Variants in GPSM1 observed in about 807,000 individuals in gnomAD.
GPSM1 encodes the protein G protein-signaling modulator 1.
GPSM1 carries 48 observed loss-of-function variants against 70.5 expected under a neutral mutation model. The observed-to-expected ratio is 0.68, with a 90% CI of 0.54 to 0.87. The LOEUF is 0.87. Ranked by LOEUF, GPSM1 falls within the 40% of genes least tolerant of loss-of-function variation. The probability of loss-of-function intolerance (pLI) is 0.00; values close to 1 mark genes in which losing one functional copy is unlikely to be tolerated. For synonymous variants in GPSM1, 416 were observed against 430.1 expected (o/e 0.97, Z 0.41); for missense variants, 981 against 972.6 (o/e 1.01, Z -0.11).
chr9:136,341,014 G>T lies in GPSM1; in HGVS notation c.1207+21G>T. 6.4e-7 allele frequency: 1 copy of T among 1,563,064 alleles called. No homozygotes were observed. The highest frequency in any genetic ancestry group is 2.4e-5 in the East Asian group (1 of 41,890). The stretch of plus-strand genomic sequence containing the variant: ...CCAGGGTGAGTTCCAGGGTTGTGGG[G>T]GGGTCTTGCTCCCCACAGGCACGGA... On this transcript the variant is annotated intron_variant, in intron 9 of 13. Coordinates refer to ENST00000440944, the MANE Select transcript of GPSM1 (RefSeq NM_001145638.3). This position sits in a 1 kb window ranked among gnomAD's most constrained non-coding sequence, Gnocchi z 6.7.
At chr9:136,354,792 C>T (rs1832768097) in intron 11 of GPSM1, 2 of 983,540 alleles carry the variant, frequency 2.0e-6, no homozygotes, top group African/African-American at 1.7e-5. Flanking sequence ...ATTCACACAG[C>T]AGACACCGGT....
chr9:136,357,940 A>AC, intron 13 of GPSM1, 74 bp from the exon 14 acceptor site: 1 of 1,215,066 alleles, frequency 8.2e-7, no homozygotes, highest in Non-Finnish European at 1.2e-6. Flanking sequence ...GGCCTCTGGA[A>AC]CCACCGCTGC....
rs914201634 is a variant in GPSM1, at chr9:136,343,892, A to G, written c.1207+2899A>G. Among the ~76,000 whole-genome samples the G allele has an allele frequency of 4.8e-4, 73 of 152,182 alleles. 1 individual carries two copies. Among genetic ancestry groups the G allele is most frequent in the Admixed American group, 3.9e-4 (6 of 15,286 alleles). ...GGATGCACCCTCTGTCCGTGCGCCT[A>G]AGAGGGCCCAGAGGGGACAGTGTGT... On this transcript the variant is annotated intron_variant, in intron 9 of 13. Transcript: ENST00000440944. This position sits in a 1 kb window ranked among gnomAD's most constrained non-coding sequence, Gnocchi z 6.0.
intron 11 of GPSM1, chr9:136,354,841 A>G: frequency 1.0e-6 from 1 of 999,360 alleles, no homozygotes; most frequent in Non-Finnish European, 1.2e-6. Context: ...AGCTCATGGC[A>G]GGGCTGACAC....
At chr9:136,349,849 A>T in intron 11 of GPSM1, 86 bp downstream of exon 11, 1 of 1,334,078 alleles carries the variant, frequency 7.5e-7, no homozygotes, top group Non-Finnish European at 1.0e-6. Flanking sequence ...CAACGGGGCC[A>T]GGTCAGGCCC....
intron 10 of GPSM1, 97 bp downstream of exon 10, chr9:136,348,864 CT>C: frequency 1.1e-6 from 1 of 903,048 alleles, no homozygotes; most frequent in Non-Finnish European, 1.7e-6. Context: ...ACCTCAGCCC[CT>C]GTCTGCTGGG....
intron 2 of GPSM1, 148 bp downstream of exon 2, chr9:136,334,816 T>G (rs1269859974): frequency 2.9e-6 from 2 of 678,312 alleles, no homozygotes; most frequent in Non-Finnish European, 5.1e-6. Context: ...GGGATGGCCC[T>G]GCTGGCGGGT....
chr9:136,337,558 C>A lies in GPSM1; in HGVS notation c.696C>A (p.His232Gln). The A allele has an allele frequency of 6.4e-7, 1 of 1,556,860 alleles. No individual in the cohort carries two copies. Among genetic ancestry groups the A allele is most frequent in the African/African-American group, 1.4e-5 (1 of 73,682 alleles). Residue 232 changes from histidine (H) to glutamine (Q), a missense_variant, in exon 5 of 14, where the codon CAC (histidine) becomes CAA (glutamine). By Grantham distance (24) the His-to-Gln change is conservative (BLOSUM62 0). Transcript: ENST00000440944. ...LGNFTEATTFHKERLAIAKEF... is the reference protein window; with the variant it reads ...LGNFTEATTFQKERLAIAKEF... The stretch of plus-strand genomic sequence containing the variant: ...ACTTCACAGAGGCCACGACCTTCCA[C>A]AAGGAGGTGAGCCGGGCAGGGTGAC...
rs1445582057 is a variant in GPSM1 at position 136,358,399 on chromosome 9, C to G, written c.*179C>G. The G allele has an allele frequency of 1.6e-6, 1 of 624,380 alleles. No individual in the cohort carries two copies. Among genetic ancestry groups the G allele is most frequent in the Non-Finnish European group, 2.7e-6 (1 of 367,500 alleles). 38.7% of individuals were successfully genotyped at this position (624,380 alleles called of 1,614,324 possible). A position where few individuals can be genotyped will look rare whatever the true frequency, so the allele number is the denominator to read the frequency against. ...CTGCCCGTGGTGGGAGGGCGTGCTT[C>G]CATCCCGGGCTGGCCCCCATGGCCC... is the stretch of plus-strand genomic sequence containing the variant. On this transcript the variant is annotated 3_prime_UTR_variant, in exon 14 of 14. Coordinates refer to ENST00000440944, the MANE Select transcript of GPSM1 (RefSeq NM_001145638.3).
chr9:136,332,296 G>C (rs71508848), intron 1 of GPSM1: 2 of 397,596 alleles, frequency 5.0e-6, no homozygotes, highest in African/African-American at 4.1e-5. Flanking sequence ...TGCATTGCCT[G>C]GATCCCAGAT....
chr9:136,337,926 C>T lies in GPSM1; in HGVS notation c.783C>T (p.Phe261=), dbSNP rs782702640. The T allele has an allele frequency of 3.0e-5, 49 of 1,612,236 alleles. No homozygotes were observed. Among genetic ancestry groups the T allele is most frequent in the Non-Finnish European group, 4.2e-5 (49 of 1,179,592 alleles). ...AYSNLGNAHV[F]LGRFDVAAEY... ...GCAACCTGGGGAACGCCCACGTCTT[C>T]CTGGGGCGCTTTGACGTGGCCGCCG... is the stretch of plus-strand genomic sequence containing the variant. The change falls in exon 6 of 14, where the codon TTC becomes TTT. Residue 261 remains phenylalanine (F), a synonymous_variant. Coordinates refer to ENST00000440944, the MANE Select transcript of GPSM1 (RefSeq NM_001145638.3).
At chr9:136,335,070 C>T (rs560747738) in intron 2 of GPSM1, among the ~76,000 whole-genome samples, 40 of 152,274 alleles carry the variant, frequency 2.6e-4, no homozygotes, top group African/African-American at 9.4e-4. Context: ...TGTGTGTCTG[C>T]GTGTGAGAGC....
At chr9:136,348,093 T>C (rs1183107068) in intron 9 of GPSM1, among the ~76,000 whole-genome samples, 1 of 151,696 alleles carries the variant, frequency 6.6e-6, no homozygotes, top group Non-Finnish European at 1.5e-5. Context: ...GGGATGGGGG[T>C]CCCTTGGGTG....
At chr9:136,337,185 C>T in intron 4 of GPSM1, 113 bp downstream of exon 4, 1 of 1,105,488 alleles carries the variant, frequency 9.0e-7, no homozygotes, top group Non-Finnish European at 1.3e-6. Context: ...GCTCCCAGGG[C>T]AGTGACGGCC....
chr9:136,328,092 G>T (rs1362921005), intron 1 of GPSM1, among the ~76,000 whole-genome samples: 1 of 152,144 alleles, frequency 6.6e-6, no homozygotes, highest in Non-Finnish European at 1.5e-5. Context: ...TGCCATGCCC[G>T]GGGCACTCAG....
chr9:136,341,892 C>A lies in GPSM1; in HGVS notation c.1207+899C>A. On this transcript the variant is annotated intron_variant, in intron 9 of 13. Coordinates refer to ENST00000440944, the MANE Select transcript of GPSM1 (RefSeq NM_001145638.3). The surrounding 1 kb of genome is among the most constrained non-coding windows in gnomAD (Gnocchi z 6.7). The stretch of plus-strand genomic sequence containing the variant: ...TGTCAAACTCCCAGCCTCAAGCGAT[C>A]CTCCCATCTCGGCTTCCAGAAGTGC... 3 of 562,500 alleles carry A rather than the reference C, an allele frequency of 5.3e-6. No individual in the cohort carries two copies. Among genetic ancestry groups the A allele is most frequent in the Non-Finnish European group, 6.8e-6 (3 of 443,296 alleles). The allele number at this position is 562,500 out of a possible 1,614,324, so 34.8% of individuals were successfully genotyped here.
At position 136,342,217 on chromosome 9, in the gene GPSM1, C is replaced by T. The variant is rs1554770434; in HGVS notation, c.1207+1224C>T. Among the ~76,000 whole-genome samples, 1 of 152,158 alleles carries T rather than the reference C, an allele frequency of 6.6e-6. No homozygotes were observed. Among genetic ancestry groups the T allele is most frequent in the Non-Finnish European group, 1.5e-5 (1 of 68,024 alleles). ...TAAGGGTGGGGAGCTCTGCCGAGAG[C>T]TCCTGCGGCACCCCTAGTACCCTCC... On this transcript the variant is annotated intron_variant, in intron 9 of 13. Transcript: ENST00000440944. The surrounding 1 kb of genome is among the most constrained non-coding windows in gnomAD (Gnocchi z 5.5).
rs951215087 is a variant in GPSM1 at position 136,343,821 on chromosome 9, G to A, written c.1207+2828G>A. Among the ~76,000 whole-genome samples, 8 of 152,336 alleles carry A rather than the reference G, an allele frequency of 5.3e-5. No homozygotes were observed. The highest frequency in any genetic ancestry group is 1.0e-4 in the Non-Finnish European group (7 of 68,028). ...GGCAGGTGTGGCTGCAGCACCATCCGCCTGTTCCAGCAGCCCAGTGGCCCT... is the reference window on the plus strand; with the variant it reads ...GGCAGGTGTGGCTGCAGCACCATCCACCTGTTCCAGCAGCCCAGTGGCCCT... On this transcript the variant is annotated intron_variant, in intron 9 of 13. Transcript: ENST00000440944. The surrounding 1 kb of genome is among the most constrained non-coding windows in gnomAD (Gnocchi z 6.0).
At position 136,328,682 on chromosome 9, in the gene GPSM1, C is replaced by T. The variant is rs115841493; in HGVS notation, c.68+919C>T. On this transcript the variant is annotated intron_variant, in intron 1 of 13. Coordinates refer to ENST00000440944, the MANE Select transcript of GPSM1 (RefSeq NM_001145638.3). ...CCGAAATGAGGTACTGGTGGCGGCA[C>T]GGCGGACAGAGGCCTTGCTGCCTCC... Among the ~76,000 whole-genome samples the T allele has an allele frequency of 5.5e-3, 834 of 152,328 alleles. 6 individuals carry two copies. The highest frequency in any genetic ancestry group is 0.019 in the African/African-American group (775 of 41,568).
Sources: gnomAD v4.1 joint callset for allele counts (sites outside exome capture counted in the v4.1 genomes callset) on GRCh38, gnomAD v4.1.1 for gene constraint, Gnocchi (gnomAD v3.1) non-coding constraint, MANE v1.5 for transcripts, NCBI Gene and HGNC (gene_info 2026-07-23, HGNC 2026-07-21) for gene names.